The following SFMBT2 variants were observed in gnomAD, a reference collection of about 807,000 sequenced individuals.
SFMBT2 encodes scm-like with four MBT domains protein 2.
SFMBT2 carries 38 observed loss-of-function variants against 110.1 expected under a neutral mutation model. The ratio of observed to expected loss-of-function variants is 0.35; its 90% CI spans 0.27 to 0.45. The LOEUF (loss-of-function observed/expected upper bound fraction) is 0.45. Among genes scored for constraint, SFMBT2 ranks in the 20% least tolerant of loss-of-function variants. SFMBT2 has a pLI of 1.00. For missense variants in SFMBT2, 1,011 were observed against 1,094.9 expected (o/e 0.92, Z 1.08); for synonymous variants, 425 against 425.4 (o/e 1.00, Z 0.01).
At chr10:7,287,968 G>A (rs139275224) in intron 4 of SFMBT2, among the ~76,000 whole-genome samples, 1 of 152,160 alleles carries the variant, frequency 6.6e-6, no homozygotes, top group Non-Finnish European at 1.5e-5. Context: ...ACAGACATAT[G>A]CAAATAAAAT....
intron 4 of SFMBT2, among the ~76,000 whole-genome samples, chr10:7,289,814 T>C (rs1349055463): frequency 6.6e-6 from 1 of 152,230 alleles, no homozygotes; most frequent in African/African-American, 2.4e-5. Context: ...TGGAGTTACC[T>C]TAACCACTGA....
chr10:7,365,368 C>T (rs1293251439), intron 4 of SFMBT2, among the ~76,000 whole-genome samples: 4 of 152,238 alleles, frequency 2.6e-5, no homozygotes, highest in Non-Finnish European at 5.9e-5. Flanking sequence ...CTTGCTATTT[C>T]AGATGACCAT....
chr10:7,315,049 AAAG>A (rs1293076472), intron 4 of SFMBT2, among the ~76,000 whole-genome samples: 28 of 117,414 alleles, frequency 2.4e-4, no homozygotes, highest in African/African-American at 8.5e-4. Context: ...AGAAAGAAAG[AAAG>A]AAAGAAAGAA....
chr10:7,264,448 A>G (rs1466717274), intron 7 of SFMBT2, among the ~76,000 whole-genome samples: 1 of 152,174 alleles, frequency 6.6e-6, no homozygotes, highest in East Asian at 1.9e-4. Context: ...CCAGGCACAC[A>G]TTTGCTCTGT....
intron 4 of SFMBT2, among the ~76,000 whole-genome samples, chr10:7,331,288 G>T (rs1262040055): frequency 6.6e-6 from 1 of 152,212 alleles, no homozygotes. Context: ...CTAACCAGGA[G>T]TCTGTTGATG....
chr10:7,410,551 C>T (rs949110710), intron 1 of SFMBT2, among the ~76,000 whole-genome samples: 1 of 152,256 alleles, frequency 6.6e-6, no homozygotes, highest in East Asian at 1.9e-4. Context: ...TTTCCGAGCC[C>T]GGAGACGCAG....
chr10:7,242,983 T>C (rs10508326), intron 9 of SFMBT2, among the ~76,000 whole-genome samples: 72,944 of 152,048 alleles, frequency 0.48, 18,238 homozygotes, highest in East Asian at 0.86. Context: ...TGAATAAACC[T>C]GACCTATAGA....
chr10:7,196,313 G>A (rs994452302), intron 15 of SFMBT2, among the ~76,000 whole-genome samples: 1 of 152,144 alleles, frequency 6.6e-6, no homozygotes, highest in African/African-American at 2.4e-5. Flanking sequence ...TTTATGCCAC[G>A]GTTTATCTCC....
At chr10:7,179,359 C>T (rs569420591) in intron 16 of SFMBT2, among the ~76,000 whole-genome samples, 129 of 108,014 alleles carry the variant, frequency 1.2e-3, no homozygotes, top group African/African-American at 4.0e-3. Flanking sequence ...CACGTTGGGG[C>T]GGTTCTTGCT....
chr10:7,299,773 T>C (rs1460199280), intron 4 of SFMBT2, among the ~76,000 whole-genome samples: 1 of 152,158 alleles, frequency 6.6e-6, no homozygotes. Flanking sequence ...TATAGTAGAA[T>C]GATTTATATA....
chr10:7,273,955 T>C (rs534757671), intron 7 of SFMBT2, among the ~76,000 whole-genome samples: 1 of 152,358 alleles, frequency 6.6e-6, no homozygotes, highest in South Asian at 2.1e-4. Context: ...TTATAAATCA[T>C]GCTGCTATGA....
intron 6 of SFMBT2, chr10:7,277,289 G>A (rs1197243403): frequency 6.2e-6 from 1 of 161,112 alleles, no homozygotes; most frequent in Non-Finnish European, 1.3e-5. Context: ...AATCACATTA[G>A]CAAAAACCTT....
At chr10:7,187,224 G>A (rs2692793) in intron 16 of SFMBT2, among the ~76,000 whole-genome samples, 52,679 of 152,030 alleles carry the variant, frequency 0.35, 9,974 homozygotes, top group Middle Eastern at 0.46. Flanking sequence ...TTAGGTGTAC[G>A]TGGACTGTAT....
intron 4 of SFMBT2, among the ~76,000 whole-genome samples, chr10:7,316,154 T>C (rs1026604630): frequency 2.6e-5 from 4 of 152,212 alleles, no homozygotes; most frequent in African/African-American, 9.6e-5. Flanking sequence ...TTATGCAATG[T>C]TCTAATTAGT....
At chr10:7,215,976 C>T (rs1035855522) in intron 11 of SFMBT2, among the ~76,000 whole-genome samples, 7 of 152,226 alleles carry the variant, frequency 4.6e-5, no homozygotes, top group African/African-American at 1.7e-4. Flanking sequence ...AGAATTTCCT[C>T]TTCATTCTCT....
intron 4 of SFMBT2, among the ~76,000 whole-genome samples, chr10:7,325,515 T>C (rs546534481): frequency 1.6e-4 from 25 of 152,328 alleles, no homozygotes; most frequent in African/African-American, 5.3e-4. Flanking sequence ...CAAGGACTTC[T>C]CTTCTTCTAA....
intron 1 of SFMBT2, among the ~76,000 whole-genome samples, chr10:7,398,966 T>C (rs1845998177): frequency 6.6e-6 from 1 of 152,210 alleles, no homozygotes; most frequent in Non-Finnish European, 1.5e-5. Flanking sequence ...ATTTTCTGGG[T>C]GGATTTTAAG....
At chr10:7,360,565 A>G (rs567731150) in intron 4 of SFMBT2, among the ~76,000 whole-genome samples, 16 of 152,292 alleles carry the variant, frequency 1.1e-4, no homozygotes, top group East Asian at 7.7e-4. Context: ...AAAAAAAACT[A>G]TTCATTTTTT....
rs530378496 is a variant in SFMBT2 at position 7,356,810 on chromosome 10, C to A, written c.436+10839G>T. On this transcript the variant is annotated intron_variant, in intron 4 of 20. Transcript: ENST00000397167. ...CTCTTGTAAGTAATCCCAGTGGGTA[C>A]CTGTAGAGTGATATGCAGTTATGGA... Among the ~76,000 whole-genome samples the A allele has an allele frequency of 6.6e-5, 10 of 152,232 alleles. 1 individual carries two copies. In the South Asian group the frequency reaches 8.3e-4, roughly 13 times the overall value.
Sources: gnomAD v4.1 joint callset for allele counts (sites outside exome capture counted in the v4.1 genomes callset) on GRCh38, gnomAD v4.1.1 for gene constraint, MANE v1.5 for transcripts, NCBI Gene and HGNC (gene_info 2026-07-23, HGNC 2026-07-21) for gene names.